The following SEPTIN11 variants were observed in gnomAD, a reference collection of about 807,000 sequenced individuals.
The protein encoded by SEPTIN11 is septin-11.
In SEPTIN11, 25 loss-of-function variants were observed where a neutral mutation model predicts 51.4. The observed-to-expected ratio is 0.49, with a 90% CI of 0.35 to 0.68. SEPTIN11 has a LOEUF of 0.68. Among genes scored for constraint, SEPTIN11 ranks in the 30% least tolerant of loss-of-function variants. The probability of loss-of-function intolerance (pLI) is 0.00; values close to 1 mark genes in which losing one functional copy is unlikely to be tolerated. For synonymous variants in SEPTIN11, 174 were observed against 184.1 expected (o/e 0.95, Z 0.44); for missense variants, 381 against 520.8 (o/e 0.73, Z 2.61).
At chr4:77,013,324 T>C (rs1725006200) in intron 4 of SEPTIN11, among the ~76,000 whole-genome samples, 1 of 152,140 alleles carries the variant, frequency 6.6e-6, no homozygotes, top group African/African-American at 2.4e-5. Flanking sequence ...AATGATAATA[T>C]CAAAGTTTTA....
In SEPTIN11 at chr4:77,035,724, T is replaced by C. The variant is rs1726979246; in HGVS notation, c.*1212T>C. ...CTTGGCTAGCTCCACCTGCTCTTTG[T>C]CTAAGGCCCTTGCCTCATCAGGGAT... On this transcript the variant is annotated 3_prime_UTR_variant, in exon 10 of 10. Transcript: ENST00000264893. 3.0e-6 allele frequency: 3 copies of C among 985,790 alleles called. No individual in the cohort carries two copies. The highest frequency in any genetic ancestry group is 3.6e-6 in the Non-Finnish European group (3 of 829,962). The allele number at this position is 985,790 out of a possible 1,614,324, so 61.1% of individuals were successfully genotyped here. A position where few individuals can be genotyped will look rare whatever the true frequency, so the allele number is the denominator to read the frequency against.
intron 1 of SEPTIN11, among the ~76,000 whole-genome samples, chr4:76,980,190 C>CT (rs1722702888): frequency 6.6e-6 from 1 of 152,078 alleles, no homozygotes; most frequent in Non-Finnish European, 1.5e-5. Flanking sequence ...TAAACTGATA[C>CT]TTTGAAAAGA....
chr4:76,961,821 G>A (rs534458158), intron 1 of SEPTIN11, among the ~76,000 whole-genome samples: 1 of 152,308 alleles, frequency 6.6e-6, no homozygotes, highest in African/African-American at 2.4e-5. Context: ...GGGACTGTCC[G>A]TGTTCTGTTT....
intron 2 of SEPTIN11, among the ~76,000 whole-genome samples, chr4:77,004,598 A>G (rs1177295193): frequency 6.6e-6 from 1 of 152,196 alleles, no homozygotes; most frequent in Non-Finnish European, 1.5e-5. Flanking sequence ...ATCTTATCTA[A>G]GCCTAGTGTT....
chr4:77,028,579 C>T, intron 7 of SEPTIN11, 50 bp from the exon 8 acceptor site: 2 of 1,508,900 alleles, frequency 1.3e-6, no homozygotes, highest in Non-Finnish European at 1.8e-6. Context: ...ACTGAAATTT[C>T]TTAGTATACA....
intron 1 of SEPTIN11, among the ~76,000 whole-genome samples, chr4:76,951,353 T>G (rs1360302845): frequency 6.6e-6 from 1 of 152,220 alleles, no homozygotes; most frequent in African/African-American, 2.4e-5. Flanking sequence ...ACTCTACGAT[T>G]TAATGACATG....
chr4:77,038,465 T>C lies in SEPTIN11; in HGVS notation c.*3953T>C, dbSNP rs1560759179. 2 of 985,838 alleles carry C rather than the reference T, an allele frequency of 2.0e-6. No individual in the cohort carries two copies. Among genetic ancestry groups the C allele is most frequent in the Non-Finnish European group, 2.4e-6 (2 of 829,992 alleles). The allele number at this position is 985,838 out of a possible 1,614,324, so 61.1% of individuals were successfully genotyped here. Reference sequence around the variant, plus strand: ...AGTAATTGTATTGATGTGAAGCATATCATTTTTTCAAATATGAAAGTGATC... The same window carrying C: ...AGTAATTGTATTGATGTGAAGCATACCATTTTTTCAAATATGAAAGTGATC... On this transcript the variant is annotated 3_prime_UTR_variant, in exon 10 of 10. Transcript: ENST00000264893.
chr4:76,973,779 A>G (rs1209806925), intron 1 of SEPTIN11, among the ~76,000 whole-genome samples: 1 of 152,156 alleles, frequency 6.6e-6, no homozygotes, highest in Non-Finnish European at 1.5e-5. Context: ...CTTTGTTTCC[A>G]CATCTGCGAG....
intron 5 of SEPTIN11, among the ~76,000 whole-genome samples, chr4:77,016,650 A>G (rs1245792509): frequency 7.7e-6 from 1 of 129,418 alleles, no homozygotes; most frequent in Non-Finnish European, 1.7e-5. Context: ...ATATATATAT[A>G]TATATACACA....
Position 77,011,227 on chromosome 4 carries a change from C to T in SEPTIN11, c.339-508C>T, listed in dbSNP as rs1724838997. 1.3e-5 allele frequency among the ~76,000 whole-genome samples: 2 copies of T among 152,224 alleles called. 1 individual carries two copies. The highest frequency in any genetic ancestry group is 4.2e-4 in the South Asian group (2 of 4,816). On this transcript the variant is annotated intron_variant, in intron 3 of 9. Transcript: ENST00000264893. ...AGGTGGTGGTGTCATATCCTGAAACCACACACCAGTTTCATTTTGTGCACC... is the reference window on the plus strand; with the variant it reads ...AGGTGGTGGTGTCATATCCTGAAACTACACACCAGTTTCATTTTGTGCACC...
At chr4:77,021,832 A>G (rs1725742187) in intron 7 of SEPTIN11, among the ~76,000 whole-genome samples, 2 of 152,214 alleles carry the variant, frequency 1.3e-5, no homozygotes, top group African/African-American at 4.8e-5. Flanking sequence ...TAGTTTAGGA[A>G]TGCCTGGGCT....
Position 77,037,153 on chromosome 4 carries a change from G to A in SEPTIN11, c.*2641G>A. Reference sequence around the variant, plus strand: ...GAGGTGGGCAGATCACTTGAGGCCTGGAGTTCAAGACCACCTTGGCGAACA... The same window carrying A: ...GAGGTGGGCAGATCACTTGAGGCCTAGAGTTCAAGACCACCTTGGCGAACA... On this transcript the variant is annotated 3_prime_UTR_variant, in exon 10 of 10. Coordinates refer to ENST00000264893, the MANE Select transcript of SEPTIN11 (RefSeq NM_018243.4). 3.8e-6 allele frequency: 3 copies of A among 795,376 alleles called. No individual in the cohort carries two copies. The highest frequency in any genetic ancestry group is 3.1e-6 in the Non-Finnish European group (2 of 653,212). 49.3% of individuals were successfully genotyped at this position (795,376 alleles called of 1,614,324 possible).
intron 3 of SEPTIN11, among the ~76,000 whole-genome samples, chr4:77,008,095 G>A (rs1333669868): frequency 6.6e-6 from 1 of 152,198 alleles, no homozygotes; most frequent in African/African-American, 2.4e-5. Context: ...GAAGGAGGCA[G>A]GAAGAGAGAT....
chr4:76,985,508 G>A (rs1460192546), intron 1 of SEPTIN11, among the ~76,000 whole-genome samples: 4 of 152,170 alleles, frequency 2.6e-5, no homozygotes, highest in Admixed American at 2.0e-4. Flanking sequence ...AATTTCTGAT[G>A]GAATGAAGGT....
At chr4:76,988,445 T>G (rs1209144388) in intron 1 of SEPTIN11, among the ~76,000 whole-genome samples, 1 of 152,250 alleles carries the variant, frequency 6.6e-6, no homozygotes. Context: ...GAATAAAGAT[T>G]TGCTTTTCTT....
At chr4:76,957,001 A>T (rs562019142) in intron 1 of SEPTIN11, among the ~76,000 whole-genome samples, 72,860 of 124,568 alleles carry the variant, frequency 0.58, 19,227 homozygotes, top group Non-Finnish European at 0.62. Context: ...TGTGAGAGAG[A>T]GAGAGACAGA....
chr4:77,011,422 A>G (rs1158907504), intron 3 of SEPTIN11, among the ~76,000 whole-genome samples: 1 of 151,508 alleles, frequency 6.6e-6, no homozygotes, highest in African/African-American at 2.4e-5. Flanking sequence ...TCTGTTTTAG[A>G]GGATGAATGT....
intron 1 of SEPTIN11, among the ~76,000 whole-genome samples, chr4:76,962,360 A>G (rs1721857878): frequency 6.6e-6 from 1 of 152,252 alleles, no homozygotes; most frequent in African/African-American, 2.4e-5. Context: ...AAAAATCTCA[A>G]TCTTTAAATG....
At chr4:76,976,164 T>G (rs1002153464) in intron 1 of SEPTIN11, among the ~76,000 whole-genome samples, 1 of 152,244 alleles carries the variant, frequency 6.6e-6, no homozygotes, top group African/African-American at 2.4e-5. Context: ...AAGAAACCTC[T>G]GGTTTTTAGT....
Sources: gnomAD v4.1 joint callset for allele counts (sites outside exome capture counted in the v4.1 genomes callset) on GRCh38, gnomAD v4.1.1 for gene constraint, MANE v1.5 for transcripts, NCBI Gene and HGNC (gene_info 2026-07-23, HGNC 2026-07-21) for gene names.